The following SLC38A12 variants were observed in gnomAD, a reference collection of about 807,000 sequenced individuals.
The protein encoded by SLC38A12 is putative sodium-coupled neutral amino acid transporter 12.
At chr17:74,830,992 G>GC in the SLC38A12 span, among the ~76,000 whole-genome samples, 1 of 152,172 alleles carries the variant, frequency 6.6e-6, no homozygotes, top group Non-Finnish European at 1.5e-5. Context: ...GTCCTCGGGG[G>GC]CCCCCCTCCT....
the SLC38A12 span, among the ~76,000 whole-genome samples, chr17:74,822,927 G>C: frequency 6.6e-6 from 1 of 152,214 alleles, no homozygotes. Flanking sequence ...CCCTTTTGGG[G>C]GAGGGACCCC....
chr17:74,786,495 A>T, the SLC38A12 span, among the ~76,000 whole-genome samples: 1 of 152,200 alleles, frequency 6.6e-6, no homozygotes, highest in African/African-American at 2.4e-5. Flanking sequence ...AGCAGTGAAG[A>T]TAATAAATGG....
chr17:74,824,336 G>A, the SLC38A12 span, among the ~76,000 whole-genome samples: 1 of 152,214 alleles, frequency 6.6e-6, no homozygotes, highest in Non-Finnish European at 1.5e-5. Flanking sequence ...GCCACAGGTA[G>A]ACCAGGGATG....
chr17:74,839,296 C>A, the SLC38A12 span: 1 of 989,284 alleles, frequency 1.0e-6, no homozygotes, highest in Non-Finnish European at 1.4e-6. Context: ...GCAGCCTCGG[C>A]AACAGGCAAA....
the SLC38A12 span, among the ~76,000 whole-genome samples, chr17:74,821,135 C>T: frequency 3.9e-5 from 6 of 152,224 alleles, no homozygotes; most frequent in African/African-American, 9.6e-5. Flanking sequence ...TATGTCAGTG[C>T]TGGAAAGTTT....
the SLC38A12 span, among the ~76,000 whole-genome samples, chr17:74,787,478 C>G: frequency 6.6e-6 from 1 of 151,448 alleles, no homozygotes; most frequent in Non-Finnish European, 1.5e-5. Flanking sequence ...AAAAATTAGC[C>G]GGGCGCGGTG....
chr17:74,790,384 C>A, the SLC38A12 span: 4 of 1,221,502 alleles, frequency 3.3e-6, no homozygotes, highest in Non-Finnish European at 4.8e-6. Context: ...AGAGGCTCCC[C>A]GCAGATTCTG....
chr17:74,783,567 T>A, the SLC38A12 span, among the ~76,000 whole-genome samples: 1 of 151,974 alleles, frequency 6.6e-6, no homozygotes, highest in African/African-American at 2.4e-5. Context: ...AGCACTTTCC[T>A]CTCCACAGGG....
At chr17:74,784,702 T>C in the SLC38A12 span, among the ~76,000 whole-genome samples, 2 of 152,044 alleles carry the variant, frequency 1.3e-5, no homozygotes, top group Admixed American at 1.3e-4. Flanking sequence ...GGTTGAGATC[T>C]TAGAAAGGGA....
At chr17:74,785,654 G>T in the SLC38A12 span, 1 of 1,592,874 alleles carries the variant, frequency 6.3e-7, no homozygotes, top group Non-Finnish European at 8.6e-7. Flanking sequence ...GAGCAGGAGG[G>T]AGTCAGCCCA....
At chr17:74,796,429 A>G in the SLC38A12 span, among the ~76,000 whole-genome samples, 4 of 152,216 alleles carry the variant, frequency 2.6e-5, no homozygotes, top group African/African-American at 9.6e-5. Context: ...AGGGACCAAG[A>G]GAGAGCCAGG....
the SLC38A12 span, chr17:74,791,130 G>A: frequency 9.0e-7 from 1 of 1,116,154 alleles, no homozygotes. Context: ...CACCCTGACA[G>A]CCAGACCATG....
chr17:74,795,616 C>T, the SLC38A12 span: 4 of 1,613,896 alleles, frequency 2.5e-6, no homozygotes, highest in Admixed American at 1.7e-5. Flanking sequence ...CGAGTGGACG[C>T]CTACCGCATC....
At chr17:74,823,809 G>A in the SLC38A12 span, among the ~76,000 whole-genome samples, 12 of 152,252 alleles carry the variant, frequency 7.9e-5, 1 homozygote, top group Admixed American at 3.3e-4. Flanking sequence ...AGGTCACGCC[G>A]GACCTCCTTG....
the SLC38A12 span, among the ~76,000 whole-genome samples, chr17:74,781,346 G>A: frequency 6.6e-6 from 1 of 152,016 alleles, no homozygotes; most frequent in African/African-American, 2.4e-5. Flanking sequence ...CACCCAGTGA[G>A]CAATTACAGC....
chr17:74,786,949 T>A, the SLC38A12 span, among the ~76,000 whole-genome samples: 1 of 152,180 alleles, frequency 6.6e-6, no homozygotes, highest in Non-Finnish European at 1.5e-5. Flanking sequence ...CACACCCCGC[T>A]CCTTGCTCAA....
the SLC38A12 span, among the ~76,000 whole-genome samples, chr17:74,832,684 G>A: frequency 6.6e-6 from 1 of 152,262 alleles, no homozygotes; most frequent in Admixed American, 6.5e-5. Flanking sequence ...ACAGCTGGGT[G>A]AGCTTTTGAC....
At chr17:74,794,611 G>T in the SLC38A12 span, among the ~76,000 whole-genome samples, 1 of 151,944 alleles carries the variant, frequency 6.6e-6, no homozygotes, top group East Asian at 1.9e-4. Flanking sequence ...CTTAGAGCCC[G>T]GTGTTGGCTG....
the SLC38A12 span, among the ~76,000 whole-genome samples, chr17:74,797,811 A>G: frequency 6.6e-6 from 1 of 152,160 alleles, no homozygotes; most frequent in Non-Finnish European, 1.5e-5. Context: ...CTCTTCTGCA[A>G]GTGATGACGG....
Sources: allele counts gnomAD v4.1 joint callset (sites outside exome capture counted in the v4.1 genomes callset), GRCh38; gene constraint gnomAD v4.1.1; transcripts MANE v1.5; gene names NCBI Gene and HGNC (gene_info 2026-07-23, HGNC 2026-07-21).